The following EBF1 variants were observed in gnomAD, a reference collection of about 807,000 sequenced individuals.
The protein encoded by EBF1 is EBF transcription factor 1, also known as transcription factor COE1.
A neutral mutation model predicts 68.4 loss-of-function variants in EBF1; 10 were observed. The observed-to-expected ratio is 0.15, with a 90% CI of 0.09 to 0.25. The LOEUF (loss-of-function observed/expected upper bound fraction) is 0.25, where lower values mean the gene tolerates loss of function less well. EBF1 is among the 10% of genes least tolerant of loss of function. EBF1 has a pLI of 1.00. For synonymous variants in EBF1, 298 were observed against 299.8 expected, an observed-to-expected ratio of 0.99 and a Z score of 0.06; for missense variants, 509 against 794.4, an observed-to-expected ratio of 0.64 and a Z score of 4.32.
In EBF1 at chr5:158,776,474, C is replaced by T. The variant is rs184542680; in HGVS notation, c.1036+939G>A. ...TAATTACAATTTGTTAACTGTTATC[C>T]CTTCACTGCTCTGTTATCTCTTTGT... On this transcript the variant is annotated intron_variant, in intron 10 of 15. Transcript: ENST00000313708. Among the ~76,000 whole-genome samples, 357 of 152,206 alleles carry T rather than the reference C, an allele frequency of 2.3e-3. 2 individuals carry two copies. The highest frequency in any genetic ancestry group is 7.6e-3 in the African/African-American group (315 of 41,524).
intron 6 of EBF1, among the ~76,000 whole-genome samples, chr5:159,013,119 C>T (rs1398488836): frequency 6.6e-6 from 1 of 152,232 alleles, no homozygotes; most frequent in Non-Finnish European, 1.5e-5. Flanking sequence ...GCCCATCATG[C>T]AACTGCTAAG....
intron 9 of EBF1, among the ~76,000 whole-genome samples, chr5:158,795,672 T>C (rs187995494): frequency 6.6e-6 from 1 of 152,334 alleles, no homozygotes; most frequent in Non-Finnish European, 1.5e-5. Flanking sequence ...TTTTGTAATC[T>C]TGAGCTGATG....
rs962686448 is a variant in EBF1, at chr5:158,858,156, G to A, written c.555-18046C>T. Among the ~76,000 whole-genome samples, 10 of 152,140 alleles carry A rather than the reference G, an allele frequency of 6.6e-5. No homozygotes were observed. In the East Asian group the frequency reaches 7.7e-4, roughly 12 times the overall value. On this transcript the variant is annotated intron_variant, in intron 6 of 15. Coordinates refer to ENST00000313708, the MANE Select transcript of EBF1 (RefSeq NM_024007.5). ...TGCTTTTGCTGGAGATCCTCTGTTC[G>A]GAGTAAGTGATGACAGCCACCAGAA...
intron 6 of EBF1, among the ~76,000 whole-genome samples, chr5:159,009,894 T>C (rs1660285833): frequency 1.3e-5 from 2 of 152,266 alleles, no homozygotes. Context: ...ATTTTATCTC[T>C]GCATAATTTG....
chr5:158,723,206 C>A (rs1762299463), intron 11 of EBF1, among the ~76,000 whole-genome samples: 1 of 152,176 alleles, frequency 6.6e-6, no homozygotes, highest in Non-Finnish European at 1.5e-5. Context: ...GTGAGCTAAC[C>A]TCAGGTCTAG....
intron 8 of EBF1, among the ~76,000 whole-genome samples, chr5:158,811,977 C>T (rs1053113672): frequency 2.6e-5 from 4 of 152,162 alleles, no homozygotes; most frequent in Non-Finnish European, 5.9e-5. Context: ...CAGTTCTAAG[C>T]TCTCTTAGGA....
At chr5:158,767,956 C>T (rs975618930) in intron 10 of EBF1, among the ~76,000 whole-genome samples, 4 of 152,024 alleles carry the variant, frequency 2.6e-5, no homozygotes, top group Admixed American at 6.6e-5. Context: ...AAGTACAGCA[C>T]GTGGTGGGTC....
intron 6 of EBF1, among the ~76,000 whole-genome samples, chr5:159,054,427 T>A (rs1260348454): frequency 6.6e-6 from 1 of 152,122 alleles, no homozygotes; most frequent in Non-Finnish European, 1.5e-5. Flanking sequence ...GAGAGAGAGA[T>A]CTGGTTCCCA....
At chr5:158,784,689 TAAAAGTA>T (rs1777067457) in intron 9 of EBF1, among the ~76,000 whole-genome samples, 1 of 151,810 alleles carries the variant, frequency 6.6e-6, no homozygotes, top group Admixed American at 6.6e-5. Context: ...CTTCAACACT[TAAAAGTA>T]AAGAAAAAAA....
rs537757964 is a variant in EBF1, at chr5:158,891,029, G to A, written c.555-50919C>T. 4.6e-5 allele frequency among the ~76,000 whole-genome samples: 7 copies of A among 152,324 alleles called. No homozygotes were observed. In the East Asian group the frequency reaches 1.3e-3, roughly 29 times the overall value. ...CCACTCAGGAAGTTAATCCACAAGTGAAACTGGTATGTTACTCTGTCTTCC... is the reference window on the plus strand; with the variant it reads ...CCACTCAGGAAGTTAATCCACAAGTAAAACTGGTATGTTACTCTGTCTTCC... On this transcript the variant is annotated intron_variant, in intron 6 of 15. Transcript: ENST00000313708.
In EBF1 at chr5:158,818,458, G is replaced by A. The variant is rs546954141; in HGVS notation, c.778+4718C>T. ...TAAAGATCAAGAACACCACCATATT[G>A]TCAGGGACAGTTGTAATGTGACACT... On this transcript the variant is annotated intron_variant, in intron 8 of 15. Coordinates refer to ENST00000313708, the MANE Select transcript of EBF1 (RefSeq NM_024007.5). 3.9e-5 allele frequency among the ~76,000 whole-genome samples: 6 copies of A among 152,274 alleles called. No individual in the cohort carries two copies. The East Asian group carries it at 1.2e-3, about 29-fold the overall frequency.
chr5:159,052,223 T>C (rs972194886), intron 6 of EBF1, among the ~76,000 whole-genome samples: 9 of 152,022 alleles, frequency 5.9e-5, no homozygotes, highest in African/African-American at 2.2e-4. Flanking sequence ...AAAAAAGACA[T>C]TGTATGCCAC....
At position 158,695,958 on chromosome 5, in the gene EBF1, G is replaced by A. The variant is rs1755700988; in HGVS notation, c.*3153C>T. 5.5e-6 allele frequency: 1 copy of A among 182,724 alleles called. No homozygotes were observed. The highest frequency in any genetic ancestry group is 1.1e-5 in the Non-Finnish European group (1 of 87,714). The allele number at this position is 182,724 out of a possible 1,614,324, so 11.3% of individuals were successfully genotyped here. On this transcript the variant is annotated 3_prime_UTR_variant, in exon 16 of 16. Transcript: ENST00000313708. The stretch of plus-strand genomic sequence containing the variant: ...GTAACTTTAATTAAATATTGTGAAA[G>A]TTGAAAAGTTTTTACAGCTTGAATT...
At chr5:158,716,958 A>C (rs1374030593) in intron 11 of EBF1, among the ~76,000 whole-genome samples, 1 of 152,190 alleles carries the variant, frequency 6.6e-6, no homozygotes, top group Non-Finnish European at 1.5e-5. Flanking sequence ...AGTTTGAGGG[A>C]CTAAATTGAA....
At chr5:158,787,436 A>C (rs1777675452) in intron 9 of EBF1, among the ~76,000 whole-genome samples, 1 of 152,170 alleles carries the variant, frequency 6.6e-6, no homozygotes, top group Non-Finnish European at 1.5e-5. Context: ...GTTTGTTAAG[A>C]AGTATTGTTC....
At chr5:158,952,841 T>C (rs1397882554) in intron 6 of EBF1, among the ~76,000 whole-genome samples, 1 of 152,220 alleles carries the variant, frequency 6.6e-6, no homozygotes, top group Admixed American at 6.5e-5. Context: ...ATCTGAAAAC[T>C]GCGGCTAGGG....
At chr5:159,039,857 G>A (rs1054049689) in intron 6 of EBF1, among the ~76,000 whole-genome samples, 1 of 152,128 alleles carries the variant, frequency 6.6e-6, no homozygotes, top group Non-Finnish European at 1.5e-5. Flanking sequence ...CTAATAATGA[G>A]GTCCCCAGAC....
chr5:158,699,469 T>C (rs1756288080), intron 15 of EBF1, among the ~76,000 whole-genome samples: 1 of 152,218 alleles, frequency 6.6e-6, no homozygotes, highest in African/African-American at 2.4e-5. Context: ...GCTTCGAACC[T>C]TGCAAAATAG....
chr5:158,964,235 G>T (rs1384836266), intron 6 of EBF1, among the ~76,000 whole-genome samples: 1 of 152,140 alleles, frequency 6.6e-6, no homozygotes, highest in African/African-American at 2.4e-5. Context: ...AAGGAGGGGA[G>T]TAGCAAGAAA....
Sources: allele counts gnomAD v4.1 joint callset (sites outside exome capture counted in the v4.1 genomes callset), GRCh38; gene constraint gnomAD v4.1.1; transcripts MANE v1.5; gene names NCBI Gene and HGNC (gene_info 2026-07-23, HGNC 2026-07-21).